Variants in ADAMTS19 observed in about 807,000 individuals in gnomAD.
ADAMTS19 encodes A disintegrin and metalloproteinase with thrombospondin motifs 19.
In ADAMTS19, 93 loss-of-function variants were observed where a neutral mutation model predicts 153.3. The ratio of observed to expected loss-of-function variants is 0.61; its 90% CI spans 0.51 to 0.72. ADAMTS19 has a LOEUF of 0.72. ADAMTS19 is among the 30% of genes least tolerant of loss of function. The probability of loss-of-function intolerance (pLI) is 0.00; values close to 1 mark genes in which losing one functional copy is unlikely to be tolerated. For synonymous variants in ADAMTS19, 600 were observed against 556.6 expected, an observed-to-expected ratio of 1.08 and a Z score of -1.10; for missense variants, 1,482 against 1,552.1, an observed-to-expected ratio of 0.95 and a Z score of 0.76.
At chr5:129,665,946 A>G (rs62400970) in intron 16 of ADAMTS19, among the ~76,000 whole-genome samples, 10,156 of 148,646 alleles carry the variant, frequency 0.068, 423 homozygotes, top group Non-Finnish European at 0.087. Flanking sequence ...ACATTCATAT[A>G]TACATATTAA....
intron 8 of ADAMTS19, among the ~76,000 whole-genome samples, chr5:129,619,816 G>T (rs912815580): frequency 6.6e-6 from 1 of 151,968 alleles, no homozygotes; most frequent in African/African-American, 2.4e-5. Flanking sequence ...AGTTGGCAAG[G>T]CTTGCCTCTA....
At chr5:129,706,851 C>T (rs1756179495) in intron 21 of ADAMTS19, among the ~76,000 whole-genome samples, 1 of 152,058 alleles carries the variant, frequency 6.6e-6, no homozygotes, top group Admixed American at 6.5e-5. Context: ...ATAGGGAACA[C>T]TGATTGTGGT....
chr5:129,668,060 A>G (rs1374093596), intron 16 of ADAMTS19, among the ~76,000 whole-genome samples: 5 of 152,264 alleles, frequency 3.3e-5, no homozygotes, highest in Non-Finnish European at 7.4e-5. Flanking sequence ...GCAGTGTTAC[A>G]CTATCTCTGG....
chr5:129,663,896 C>T (rs1753925314), intron 15 of ADAMTS19, among the ~76,000 whole-genome samples: 2 of 152,220 alleles, frequency 1.3e-5, no homozygotes, highest in Non-Finnish European at 2.9e-5. Context: ...GTGCCACTAA[C>T]CACACCACAT....
chr5:129,491,414 T>C (rs1336008479), intron 2 of ADAMTS19, among the ~76,000 whole-genome samples: 1 of 152,208 alleles, frequency 6.6e-6, no homozygotes, highest in African/African-American at 2.4e-5. Flanking sequence ...AGTAGATGAC[T>C]GTGAAAAGCA....
At chr5:129,550,518 GTA>G in intron 6 of ADAMTS19, among the ~76,000 whole-genome samples, 1 of 148,416 alleles carries the variant, frequency 6.7e-6, no homozygotes, top group East Asian at 2.0e-4. Flanking sequence ...ATACATATCT[GTA>G]TATATATACA....
Position 129,647,883 on chromosome 5 carries a change from G to C in ADAMTS19, c.1991G>C (p.Arg664Pro), listed in dbSNP as rs373980646. 6.2e-7 allele frequency: 1 copy of C among 1,612,468 alleles called. No homozygotes were observed. The highest frequency in any genetic ancestry group is 8.5e-7 in the Non-Finnish European group (1 of 1,178,894). ...TCSAGISSRE[R>P]KCPGLDSEAR... ...AGTGCTGGGATCAGCAGTCGAGAGC[G>C]CAAATGTCCTGGGTAAACTCAAAGT... The change falls in exon 12 of 23, where the codon CGC (arginine) becomes CCC (proline). Residue 664 changes from arginine to proline, a missense_variant. Physicochemically the swap from Arg to Pro is moderately radical, Grantham distance 103. Coordinates refer to ENST00000274487, the MANE Select transcript of ADAMTS19 (RefSeq NM_133638.6).
chr5:129,637,207 T>C (rs1193506683), intron 10 of ADAMTS19, among the ~76,000 whole-genome samples: 1 of 152,220 alleles, frequency 6.6e-6, no homozygotes, highest in East Asian at 1.9e-4. Flanking sequence ...AATGACTAGT[T>C]TGCTAAGATT....
Position 129,461,549 on chromosome 5 carries a change from G to A in ADAMTS19, c.539G>A (p.Arg180Gln), listed in dbSNP as rs767647930. ...EVLLRIPAFS[R>Q]DLYLLLRRDG... ...TTGCTGCGGATCCCGGCCTTCTCTCGGGACCTGTACCTGCTGCTCCGGAGA... is the reference window on the plus strand; with the variant it reads ...TTGCTGCGGATCCCGGCCTTCTCTCAGGACCTGTACCTGCTGCTCCGGAGA... Residue 180 changes from arginine (R) to glutamine (Q), a missense_variant, in exon 2 of 23, where the codon CGG (arginine) becomes CAG (glutamine). Around this residue, in one of 2 missense-constraint regions of ADAMTS19, gnomAD observed 866 missense variants for 827.7 expected, o/e 1.05. Transcript: ENST00000274487. The surrounding 1 kb of genome is among the most constrained non-coding windows in gnomAD (Gnocchi z 4.6). 1 of 1,540,278 alleles carries A rather than the reference G, an allele frequency of 6.5e-7. No individual in the cohort carries two copies. Among genetic ancestry groups the A allele is most frequent in the Non-Finnish European group, 8.7e-7 (1 of 1,149,810 alleles).
intron 21 of ADAMTS19, among the ~76,000 whole-genome samples, chr5:129,723,438 G>T (rs1359087304): frequency 6.6e-6 from 1 of 152,140 alleles, no homozygotes; most frequent in Non-Finnish European, 1.5e-5. Flanking sequence ...CATTTGTAAA[G>T]AAGATTAAGC....
At chr5:129,531,582 G>A (rs1043062085) in intron 6 of ADAMTS19, among the ~76,000 whole-genome samples, 14 of 152,082 alleles carry the variant, frequency 9.2e-5, no homozygotes, top group African/African-American at 2.2e-4. Context: ...CCAAGATTGC[G>A]CTACTGCACG....
At chr5:129,600,932 C>T (rs573633107) in intron 8 of ADAMTS19, among the ~76,000 whole-genome samples, 4 of 152,006 alleles carry the variant, frequency 2.6e-5, no homozygotes, top group African/African-American at 4.8e-5. Context: ...TGCAGTGGCT[C>T]GATCTCTGCT....
chr5:129,715,539 G>A (rs751856547), intron 21 of ADAMTS19, among the ~76,000 whole-genome samples: 20 of 152,158 alleles, frequency 1.3e-4, no homozygotes, highest in Non-Finnish European at 1.9e-4. Flanking sequence ...TGGGGCTAGG[G>A]AGAAATGGTT....
chr5:129,533,676 A>G (rs1014585769), intron 6 of ADAMTS19, among the ~76,000 whole-genome samples: 3 of 151,674 alleles, frequency 2.0e-5, no homozygotes, highest in Non-Finnish European at 4.4e-5. Flanking sequence ...AGTTCTTTTA[A>G]TTGTGATGTT....
intron 8 of ADAMTS19, among the ~76,000 whole-genome samples, chr5:129,606,489 G>T (rs1750901115): frequency 6.6e-6 from 1 of 152,086 alleles, no homozygotes; most frequent in Non-Finnish European, 1.5e-5. Flanking sequence ...TTCTGGCTTG[G>T]ACTCTTGCAG....
intron 7 of ADAMTS19, among the ~76,000 whole-genome samples, chr5:129,583,010 A>T (rs1402914792): frequency 6.6e-6 from 1 of 152,028 alleles, no homozygotes; most frequent in Non-Finnish European, 1.5e-5. Flanking sequence ...AGTGTTGGTG[A>T]TCTTTACAAT....
intron 21 of ADAMTS19, among the ~76,000 whole-genome samples, chr5:129,715,594 T>C (rs542383031): frequency 6.6e-6 from 1 of 152,182 alleles, no homozygotes; most frequent in East Asian, 1.9e-4. Flanking sequence ...AGAACTTGGG[T>C]TGATTATCTG....
At chr5:129,661,335 A>G (rs1753805874) in intron 15 of ADAMTS19, among the ~76,000 whole-genome samples, 1 of 152,206 alleles carries the variant, frequency 6.6e-6, no homozygotes, top group African/African-American at 2.4e-5. Context: ...TGAAATGTTA[A>G]ATTTGTATAA....
chr5:129,736,469 C>T (rs1298864454), intron 22 of ADAMTS19, among the ~76,000 whole-genome samples: 1 of 152,054 alleles, frequency 6.6e-6, no homozygotes, highest in Non-Finnish European at 1.5e-5. Context: ...GTCTACATGA[C>T]CAAATATTCT....
Sources: allele counts gnomAD v4.1 joint callset (sites outside exome capture counted in the v4.1 genomes callset), GRCh38; gene constraint gnomAD v4.1.1; regional missense constraint gnomAD v4.1.1; non-coding constraint Gnocchi (gnomAD v3.1); transcripts MANE v1.5; gene names NCBI Gene and HGNC (gene_info 2026-07-23, HGNC 2026-07-21).